Variants in DPP6 observed in about 807,000 individuals in gnomAD.
The protein encoded by DPP6 is A-type potassium channel modulatory protein DPP6.
A neutral mutation model predicts 122.6 loss-of-function variants in DPP6; 69 were observed. That is an observed-to-expected ratio of 0.56 (90% CI 0.46 to 0.69). The LOEUF (loss-of-function observed/expected upper bound fraction) is 0.69. Ranked by LOEUF, DPP6 falls within the 30% of genes least tolerant of loss-of-function variation. DPP6 has a pLI of 0.00. For missense variants in DPP6, 928 were observed against 1,116.9 expected, an observed-to-expected ratio of 0.83 and a Z score of 2.41; for synonymous variants, 418 against 433.1, an observed-to-expected ratio of 0.97 and a Z score of 0.43.
intron 1 of DPP6, among the ~76,000 whole-genome samples, chr7:154,238,265 A>G (rs1330165281): frequency 6.6e-6 from 1 of 152,212 alleles, no homozygotes; most frequent in African/African-American, 2.4e-5. Context: ...GAGCCCAAGA[A>G]TATTATTTTC....
chr7:154,860,368 C>T (rs780357490), intron 17 of DPP6, among the ~76,000 whole-genome samples: 1 of 152,188 alleles, frequency 6.6e-6, no homozygotes, highest in Non-Finnish European at 1.5e-5. Context: ...TCCTGCAGGA[C>T]CCAGGAGGAG....
In DPP6 at chr7:154,241,362, C is replaced by T. The variant is rs777909835; in HGVS notation, c.243+188299C>T. ...CCTTCCTGTGTTTCCCTGTTTTATC[C>T]AAATTCTCAGTGTTTTTAAAGATCC... On this transcript the variant is annotated intron_variant, in intron 1 of 25. Coordinates refer to ENST00000377770, the MANE Select transcript of DPP6 (RefSeq NM_130797.4). This position sits in a 1 kb window ranked among gnomAD's most constrained non-coding sequence, Gnocchi z 9.0. Among the ~76,000 whole-genome samples the T allele has an allele frequency of 4.8e-4, 73 of 151,782 alleles. No homozygotes were observed. The highest frequency in any genetic ancestry group is 2.9e-4 in the Non-Finnish European group (20 of 67,962).
chr7:154,748,108 G>C (rs1409777993), intron 8 of DPP6, among the ~76,000 whole-genome samples: 1 of 152,162 alleles, frequency 6.6e-6, no homozygotes, highest in East Asian at 1.9e-4. Context: ...TCCCGCTTCC[G>C]GCAAGGAGAG....
At chr7:154,447,391 C>T (rs1183325046) in intron 2 of DPP6, among the ~76,000 whole-genome samples, 5 of 152,102 alleles carry the variant, frequency 3.3e-5, no homozygotes, top group Non-Finnish European at 7.4e-5. Context: ...TATCCGTTCT[C>T]ATGATCATAG....
At chr7:154,662,311 C>T (rs1837762187) in intron 6 of DPP6, among the ~76,000 whole-genome samples, 1 of 151,798 alleles carries the variant, frequency 6.6e-6, no homozygotes, top group East Asian at 2.0e-4. Context: ...TTCATATAGT[C>T]ATGGTGAATC....
At chr7:154,269,611 G>C (rs1803660704) in intron 1 of DPP6, among the ~76,000 whole-genome samples, 1 of 152,182 alleles carries the variant, frequency 6.6e-6, no homozygotes, top group Non-Finnish European at 1.5e-5. Context: ...CTATCCTCCT[G>C]ATCATGGACA....
At chr7:154,060,123 C>T (rs1375218354) in intron 1 of DPP6, among the ~76,000 whole-genome samples, 18 of 143,598 alleles carry the variant, frequency 1.3e-4, no homozygotes, top group South Asian at 9.1e-4. Flanking sequence ...GGCGGGACTG[C>T]AAACCTCCAC....
chr7:154,213,413 C>T (rs1441784608), intron 1 of DPP6, among the ~76,000 whole-genome samples: 1 of 152,194 alleles, frequency 6.6e-6, no homozygotes, highest in Admixed American at 6.5e-5. Flanking sequence ...GCATGTGTTT[C>T]CAAGTTGATG....
At chr7:154,165,757 G>C (rs1410790863) in intron 1 of DPP6, among the ~76,000 whole-genome samples, 1 of 152,188 alleles carries the variant, frequency 6.6e-6, no homozygotes, top group African/African-American at 2.4e-5. Flanking sequence ...CTGATGGCCA[G>C]TGATGATGAG....
At chr7:154,628,623 G>A (rs28702486) in intron 5 of DPP6, among the ~76,000 whole-genome samples, 80,243 of 152,002 alleles carry the variant, frequency 0.53, 22,874 homozygotes, top group East Asian at 0.89. Flanking sequence ...TCTTGTCTCC[G>A]CCCACATTAT....
chr7:154,817,504 T>C (rs1799493120), intron 16 of DPP6, among the ~76,000 whole-genome samples: 1 of 152,134 alleles, frequency 6.6e-6, no homozygotes, highest in South Asian at 2.1e-4. Flanking sequence ...TGATGAATGA[T>C]GTCATGAGGG....
At chr7:153,780,046 G>A in the DPP6 span, among the ~76,000 whole-genome samples, 8 of 151,500 alleles carry the variant, frequency 5.3e-5, no homozygotes, top group Non-Finnish European at 1.5e-5. Context: ...CAGGTGCTTG[G>A]AGGAGTACAG....
At chr7:154,044,036 C>T (rs1017231504) in intron 1 of DPP6, among the ~76,000 whole-genome samples, 1 of 150,770 alleles carries the variant, frequency 6.6e-6, no homozygotes, top group African/African-American at 2.4e-5. Context: ...CAAACAGGAC[C>T]CACCTCATCC....
At chr7:153,839,138 G>C in the DPP6 span, among the ~76,000 whole-genome samples, 4 of 152,148 alleles carry the variant, frequency 2.6e-5, no homozygotes, top group African/African-American at 9.7e-5. Context: ...AATGTGAACC[G>C]TGGCATGTGT....
At chr7:154,368,701 G>A (rs1374147596) in intron 1 of DPP6, among the ~76,000 whole-genome samples, 2 of 152,220 alleles carry the variant, frequency 1.3e-5, no homozygotes, top group Admixed American at 6.5e-5. Context: ...TACGCATGAT[G>A]TTAACATCGT....
At chr7:154,765,962 G>GA (rs1461002663) in intron 8 of DPP6, among the ~76,000 whole-genome samples, 3 of 152,204 alleles carry the variant, frequency 2.0e-5, no homozygotes, top group Non-Finnish European at 4.4e-5. Flanking sequence ...GAATCCTGCA[G>GA]AAAAATGTTT....
At chr7:154,854,026 A>G (rs1331957035) in intron 17 of DPP6, among the ~76,000 whole-genome samples, 199 bp downstream of exon 17, 1 of 152,176 alleles carries the variant, frequency 6.6e-6, no homozygotes, top group Non-Finnish European at 1.5e-5. Flanking sequence ...CCCCTGCCAG[A>G]GGGCCCCACA....
chr7:154,003,612 G>A (rs1797780707), intron 1 of DPP6, among the ~76,000 whole-genome samples: 1 of 152,028 alleles, frequency 6.6e-6, no homozygotes, highest in Non-Finnish European at 1.5e-5. Flanking sequence ...TAATAAGAAG[G>A]GTTTGGAATA....
intron 1 of DPP6, among the ~76,000 whole-genome samples, chr7:154,020,013 G>A (rs139770634): frequency 0.015 from 2,246 of 152,186 alleles, 17 homozygotes; most frequent in Non-Finnish European, 0.022. Flanking sequence ...CCACAGAACT[G>A]TCCATCTAGG....
Sources: allele counts gnomAD v4.1 joint callset (sites outside exome capture counted in the v4.1 genomes callset), GRCh38; gene constraint gnomAD v4.1.1; non-coding constraint Gnocchi (gnomAD v3.1); transcripts MANE v1.5; gene names NCBI Gene and HGNC (gene_info 2026-07-23, HGNC 2026-07-21).